CSTL1: variants seen among roughly 807,000 people sequenced by gnomAD.
CSTL1 encodes cystatin like 1, also known as cystatin-like 1.
Under a neutral mutation model 14.4 loss-of-function variants are expected in CSTL1, and 14 were observed. The ratio of observed to expected loss-of-function variants is 0.97; its 90% CI spans 0.64 to 1.52. CSTL1 has a LOEUF of 1.52. Ranked by LOEUF, CSTL1 falls within the 40% of genes most tolerant of loss-of-function variation. CSTL1 has a pLI of 0.00. For missense variants in CSTL1, 170 were observed against 168.7 expected, an observed-to-expected ratio of 1.01 and a Z score of -0.04; for synonymous variants, 72 against 67.5, an observed-to-expected ratio of 1.07 and a Z score of -0.33.
chr20:23,448,351 C>T (rs1987007573), downstream of CSTL1, among the ~76,000 whole-genome samples: 1 of 152,176 alleles, frequency 6.6e-6, no homozygotes. Flanking sequence ...GGAGTGGGCA[C>T]CCAGGCCCTG....
the CSTL1 span, chr20:23,451,692 C>T: frequency 1.5e-6 from 1 of 646,580 alleles, no homozygotes; most frequent in Non-Finnish European, 2.7e-6. Flanking sequence ...GAGGTGTTAC[C>T]CATGCATTCT....
chr20:23,458,831 A>C, the CSTL1 span, among the ~76,000 whole-genome samples: 3 of 152,114 alleles, frequency 2.0e-5, no homozygotes. Flanking sequence ...GGAGAGGCCG[A>C]GCTCTTAGCC....
At chr20:23,450,460 A>C in the CSTL1 span, 1 of 1,247,898 alleles carries the variant, frequency 8.0e-7, no homozygotes, top group Non-Finnish European at 1.1e-6. Context: ...TGCCCATTGC[A>C]GGATTCTCTC....
chr20:23,452,515 T>A, the CSTL1 span: 27 of 959,252 alleles, frequency 2.8e-5, no homozygotes, highest in East Asian at 6.5e-4. Context: ...GTGGGACTAT[T>A]CCTGACACCA....
the CSTL1 span, among the ~76,000 whole-genome samples, chr20:23,457,431 A>T: frequency 6.6e-6 from 1 of 152,200 alleles, no homozygotes; most frequent in Non-Finnish European, 1.5e-5. Flanking sequence ...AACTTGTCCT[A>T]ATAAAAAATT....
At chr20:23,450,657 A>G in the CSTL1 span, 1 of 1,208,482 alleles carries the variant, frequency 8.3e-7, no homozygotes, top group Non-Finnish European at 1.2e-6. Context: ...AAGGAAGAGG[A>G]TGTAAGACAC....
chr20:23,452,848 T>C, the CSTL1 span: 1 of 1,523,342 alleles, frequency 6.6e-7, no homozygotes, highest in South Asian at 1.1e-5. Flanking sequence ...GTGTTCTCTG[T>C]ACTCCTCAGG....
the CSTL1 span, chr20:23,452,742 A>G: frequency 6.2e-7 from 1 of 1,614,010 alleles, no homozygotes; most frequent in African/African-American, 1.3e-5. Context: ...CTTGCTTGGT[A>G]GGGGAGGGCC....
At chr20:23,452,019 G>A in the CSTL1 span, 1 of 818,580 alleles carries the variant, frequency 1.2e-6, no homozygotes, top group East Asian at 2.5e-5. Context: ...CCAAGGGCAA[G>A]GAGCTGGTCC....
downstream of CSTL1, among the ~76,000 whole-genome samples, chr20:23,446,124 G>A (rs1436144906): frequency 6.6e-6 from 1 of 152,190 alleles, no homozygotes; most frequent in Non-Finnish European, 1.5e-5. Context: ...CCTCACTGCT[G>A]TACAGAGAAT....
At chr20:23,450,684 C>T in the CSTL1 span, 1 of 786,356 alleles carries the variant, frequency 1.3e-6, no homozygotes, top group South Asian at 1.8e-5. Context: ...GGAGAAAAGG[C>T]TACCACCTCT....
chr20:23,441,733 C>T (rs764640557), intron 2 of CSTL1, among the ~76,000 whole-genome samples: 18 of 151,994 alleles, frequency 1.2e-4, no homozygotes, highest in Non-Finnish European at 1.9e-4. Context: ...TTTTGATGCA[C>T]GGTTGTTTGC....
At chr20:23,443,424 G>A (rs1986884604) in intron 2 of CSTL1, among the ~76,000 whole-genome samples, 1 of 152,212 alleles carries the variant, frequency 6.6e-6, no homozygotes, top group South Asian at 2.1e-4. Context: ...TAAGTAACTT[G>A]CTCAAGGTCA....
chr20:23,458,692 A>G, the CSTL1 span: 2 of 152,324 alleles, frequency 1.3e-5, no homozygotes, highest in Non-Finnish European at 2.9e-5. Context: ...CACATTTATC[A>G]GTACTGTTCC....
chr20:23,456,104 A>C, the CSTL1 span, among the ~76,000 whole-genome samples: 1 of 152,190 alleles, frequency 6.6e-6, no homozygotes, highest in Non-Finnish European at 1.5e-5. Context: ...AAAACAGAGA[A>C]TGTGCCCCTT....
At chr20:23,440,104 G>C (rs149818199) in intron 1 of CSTL1, 40 bp from the exon 2 acceptor site, 1 of 676,504 alleles carries the variant, frequency 1.5e-6, no homozygotes, top group Non-Finnish European at 2.5e-6. Flanking sequence ...GCTGGAAACT[G>C]AGTGACAAGG....
At chr20:23,453,749 C>T in the CSTL1 span, among the ~76,000 whole-genome samples, 12 of 152,184 alleles carry the variant, frequency 7.9e-5, no homozygotes, top group Non-Finnish European at 1.5e-4. Context: ...GCACACCCAA[C>T]GCCTGTTTCG....
intron 2 of CSTL1, chr20:23,442,121 T>C (rs1201258360): frequency 6.6e-6 from 1 of 152,304 alleles, no homozygotes; most frequent in African/African-American, 2.4e-5. Context: ...TAAGGAATAA[T>C]GATGAGCATT....
downstream of CSTL1, among the ~76,000 whole-genome samples, chr20:23,449,919 G>A (rs1254947693): frequency 1.3e-5 from 2 of 152,194 alleles, no homozygotes; most frequent in Non-Finnish European, 2.9e-5. Context: ...GGGGGCAGAA[G>A]TCTAATTCTG....
Sources: allele counts gnomAD v4.1 joint callset (sites outside exome capture counted in the v4.1 genomes callset), GRCh38; gene constraint gnomAD v4.1.1; transcripts MANE v1.5; gene names NCBI Gene and HGNC (gene_info 2026-07-23, HGNC 2026-07-21).